The following TMTC2 variants were observed in gnomAD, a reference collection of about 807,000 sequenced individuals.
TMTC2 encodes protein O-mannosyl-transferase TMTC2.
In TMTC2, 43 loss-of-function variants were observed where a neutral mutation model predicts 82.4. That is an observed-to-expected ratio of 0.52 (90% confidence interval 0.41 to 0.67). The LOEUF is 0.67. TMTC2 is among the 30% of genes least tolerant of loss of function. TMTC2 has a pLI of 0.00. For synonymous variants in TMTC2, 408 were observed against 381.9 expected (o/e 1.07, Z -0.80); for missense variants, 919 against 1,012.4 (o/e 0.91, Z 1.25).
At chr12:82,708,604 C>A (rs1161512178) in intron 1 of TMTC2, among the ~76,000 whole-genome samples, 1 of 152,196 alleles carries the variant, frequency 6.6e-6, no homozygotes, top group African/African-American at 2.4e-5. Context: ...CTGGTCCCAT[C>A]AGCCCCTGTC....
chr12:82,701,647 G>A (rs773037107), intron 1 of TMTC2, among the ~76,000 whole-genome samples: 13 of 147,530 alleles, frequency 8.8e-5, no homozygotes, highest in Non-Finnish European at 1.6e-4. Flanking sequence ...TGTAACCCCA[G>A]CTACTCGGAA....
chr12:83,134,046 T>C lies in TMTC2; in HGVS notation c.*1657T>C, dbSNP rs1398445544. On this transcript the variant is annotated 3_prime_UTR_variant, in exon 12 of 12. Coordinates refer to ENST00000321196, the MANE Select transcript of TMTC2 (RefSeq NM_152588.3). ...CAGTGGGATAAATAATTGAAAGTAG[T>C]GTTCCTATGGCATTAGTGTTTTTGT... The C allele has an allele frequency of 6.6e-6, 1 of 152,628 alleles. No homozygotes were observed. The highest frequency in any genetic ancestry group is 1.5e-5 in the Non-Finnish European group (1 of 68,028). 9.5% of individuals were successfully genotyped at this position (152,628 alleles called of 1,614,324 possible). A position where few individuals can be genotyped will look rare whatever the true frequency, so the allele number is the denominator to read the frequency against.
At chr12:83,052,313 A>G (rs1188392896) in intron 10 of TMTC2, among the ~76,000 whole-genome samples, 1 of 152,128 alleles carries the variant, frequency 6.6e-6, no homozygotes, top group East Asian at 1.9e-4. Context: ...GTTGAATGTC[A>G]TAATTCAACA....
intron 1 of TMTC2, among the ~76,000 whole-genome samples, chr12:82,730,094 C>G (rs1370979476): frequency 6.6e-6 from 1 of 152,092 alleles, no homozygotes; most frequent in East Asian, 1.9e-4. Context: ...GTAACACTCA[C>G]TGCGAGGGTC....
intron 3 of TMTC2, among the ~76,000 whole-genome samples, chr12:82,919,565 G>A (rs1003997449): frequency 1.3e-5 from 2 of 152,234 alleles, no homozygotes; most frequent in South Asian, 2.1e-4. Context: ...GGCATGATCT[G>A]TATAGAGGCA....
intron 4 of TMTC2, among the ~76,000 whole-genome samples, chr12:82,934,199 T>C (rs1876192843): frequency 6.6e-6 from 1 of 152,198 alleles, no homozygotes; most frequent in African/African-American, 2.4e-5. Flanking sequence ...GACATTCTGA[T>C]TGTGTATCTG....
At chr12:82,823,381 G>C (rs2137066098) in intron 1 of TMTC2, among the ~76,000 whole-genome samples, 1 of 152,264 alleles carries the variant, frequency 6.6e-6, no homozygotes, top group South Asian at 2.1e-4. Flanking sequence ...GCCCCAGACT[G>C]TTAGCTGTAT....
intron 1 of TMTC2, among the ~76,000 whole-genome samples, chr12:82,762,950 T>G (rs542556907): frequency 6.6e-6 from 1 of 152,224 alleles, no homozygotes; most frequent in South Asian, 2.1e-4. Context: ...GGTAGTGTAT[T>G]AGTCCATTTT....
intron 1 of TMTC2, among the ~76,000 whole-genome samples, chr12:82,730,665 G>A (rs1207562557): frequency 6.6e-6 from 1 of 152,162 alleles, no homozygotes; most frequent in African/African-American, 2.4e-5. Flanking sequence ...TTAAGAGTGA[G>A]GTAGTTAAGT....
At chr12:82,717,456 C>G (rs1356403138) in intron 1 of TMTC2, among the ~76,000 whole-genome samples, 1 of 152,012 alleles carries the variant, frequency 6.6e-6, no homozygotes, top group Non-Finnish European at 1.5e-5. Flanking sequence ...GTCTTGAACT[C>G]CTGACTTCAG....
intron 9 of TMTC2, among the ~76,000 whole-genome samples, chr12:83,043,737 C>T (rs1881981921): frequency 6.6e-6 from 1 of 152,038 alleles, no homozygotes; most frequent in Non-Finnish European, 1.5e-5. Context: ...CTTTGTATGC[C>T]CACTGCAAGT....
intron 9 of TMTC2, among the ~76,000 whole-genome samples, chr12:83,036,324 T>C (rs894920403): frequency 1.3e-5 from 2 of 152,164 alleles, no homozygotes; most frequent in African/African-American, 4.8e-5. Flanking sequence ...AAAATCCATC[T>C]TTCTTGCTTG....
chr12:82,857,116 T>C lies in TMTC2; in HGVS notation c.190T>C (p.Ser64Pro), dbSNP rs1419272035. 6.2e-7 allele frequency: 1 copy of C among 1,614,080 alleles called. No individual in the cohort carries two copies. Among genetic ancestry groups the C allele is most frequent in the East Asian group, 2.2e-5 (1 of 44,878 alleles). ...TLLTHSGSHK[S>P]YRPLCTLSFR... ...TCTAACCCACAGTGGCAGCCACAAG[T>C]CCTACCGGCCACTCTGCACTCTTTC... The change falls in exon 2 of 12, where the codon TCC becomes CCC. Residue 64 changes from serine to proline, a missense_variant. Transcript: ENST00000321196.
rs368358037 is a variant in TMTC2 at position 83,066,573 on chromosome 12, G to C, written c.2331+4742G>C. Among the ~76,000 whole-genome samples, 408 of 152,046 alleles carry C rather than the reference G, an allele frequency of 2.7e-3. 2 individuals are homozygous for C. The highest frequency in any genetic ancestry group is 9.5e-3 in the African/African-American group (396 of 41,522). On this transcript the variant is annotated intron_variant, in intron 11 of 11. Coordinates refer to ENST00000321196, the MANE Select transcript of TMTC2 (RefSeq NM_152588.3). ...TGATGAATTGAAAAATGTCAGTTGT[G>C]TTTGAGGAAATAGAGTTGGGAGATA...
intron 1 of TMTC2, among the ~76,000 whole-genome samples, chr12:82,746,950 CA>C (rs1457519811): frequency 6.6e-6 from 1 of 152,154 alleles, no homozygotes; most frequent in Non-Finnish European, 1.5e-5. Context: ...GGAATTTGTC[CA>C]ACAACTTGAA....
At chr12:82,864,430 C>A (rs1218218235) in intron 2 of TMTC2, among the ~76,000 whole-genome samples, 1 of 150,782 alleles carries the variant, frequency 6.6e-6, no homozygotes, top group Non-Finnish European at 1.5e-5. Context: ...TGGTGATGAA[C>A]TGAAAATCCT....
intron 9 of TMTC2, among the ~76,000 whole-genome samples, chr12:83,047,690 A>G (rs1225692649): frequency 1.3e-5 from 2 of 152,216 alleles, no homozygotes; most frequent in Non-Finnish European, 2.9e-5. Context: ...AAATGATCAT[A>G]TCGGAATTTT....
chr12:82,815,448 C>A (rs2137055005), intron 1 of TMTC2, among the ~76,000 whole-genome samples: 1 of 151,748 alleles, frequency 6.6e-6, no homozygotes, highest in East Asian at 1.9e-4. Flanking sequence ...GTAGCTGGGA[C>A]TACAGGCGCC....
At chr12:82,997,354 A>ATATGTG (rs1879687433) in intron 8 of TMTC2, among the ~76,000 whole-genome samples, 2 of 28,900 alleles carry the variant, frequency 6.9e-5, no homozygotes, top group Non-Finnish European at 1.6e-4. Flanking sequence ...GTGTGTATAT[A>ATATGTG]TATATATATA....
Sources: allele counts gnomAD v4.1 joint callset (sites outside exome capture counted in the v4.1 genomes callset), GRCh38; gene constraint gnomAD v4.1.1; transcripts MANE v1.5; gene names NCBI Gene and HGNC (gene_info 2026-07-23, HGNC 2026-07-21).